The following ELSPBP1 variants were observed in gnomAD, a reference collection of about 807,000 sequenced individuals.
ELSPBP1 encodes the protein epididymal sperm-binding protein 1.
Under a neutral mutation model 33.3 loss-of-function variants are expected in ELSPBP1, and 38 were observed. That is an observed-to-expected ratio of 1.14 (90% CI 0.88 to 1.50). The LOEUF is 1.50. ELSPBP1 is among the 40% of genes most tolerant of loss of function. The pLI is 0.00. For synonymous variants in ELSPBP1, 85 were observed against 94.1 expected (o/e 0.90, Z 0.56); for missense variants, 267 against 263.5 (o/e 1.01, Z -0.09).
At chr19:48,020,821 G>A (rs1423729268) in intron 5 of ELSPBP1, among the ~76,000 whole-genome samples, 2 of 152,148 alleles carry the variant, frequency 1.3e-5, no homozygotes, top group Non-Finnish European at 2.9e-5. Context: ...AAGACCCAGT[G>A]GAAAGGAAAG....
intron 1 of ELSPBP1, among the ~76,000 whole-genome samples, chr19:48,001,423 C>G (rs1226437174): frequency 6.6e-6 from 1 of 151,816 alleles, no homozygotes; most frequent in Non-Finnish European, 1.5e-5. Context: ...CCTCATGATC[C>G]TTGTGATCCA....
At chr19:48,008,765 A>T (rs1967048796) in intron 2 of ELSPBP1, 28 bp downstream of exon 2, 7 of 1,592,782 alleles carry the variant, frequency 4.4e-6, no homozygotes, top group African/African-American at 2.7e-5. Flanking sequence ...AACAGGGAGG[A>T]TTTAGAAGCT....
In ELSPBP1 at chr19:48,008,678, G is replaced by A. The variant is rs1233604330; in HGVS notation, c.11G>A (p.Trp4Ter). ...AAGAGGGCAGCCAAGATGACCCGAT[G>A]GTCCAGTTACCTGTTGGGATGGACA... The part of the protein sequence containing the change: MTR[W>*]SSYLLGWTTF... The change falls in exon 2 of 7, where the codon TGG (tryptophan) becomes TAG (stop). Residue 4 changes from tryptophan (W) to a stop codon, truncating the protein, a stop_gained. Transcript: ENST00000339841. LOFTEE classifies it high-confidence loss of function. The A allele has an allele frequency of 2.5e-6, 4 of 1,613,724 alleles. No individual in the cohort carries two copies. Among genetic ancestry groups the A allele is most frequent in the African/African-American group, 1.3e-5 (1 of 74,962 alleles).
rs1399339043 is a variant in ELSPBP1, at chr19:48,006,643, A to AG, written c.-17-2008_-17-2007insG. On this transcript the variant is annotated intron_variant, in intron 1 of 6. Transcript: ENST00000339841. The stretch of plus-strand genomic sequence containing the variant: ...TCTCAAAAAAAAAAAAAAAAAAAAA[A>AG]AAAAGAAAAGAAAAAGAAAATTTAA... 5.2e-4 allele frequency among the ~76,000 whole-genome samples: 73 copies of AG among 139,532 alleles called. 4 individuals are homozygous for AG. Among genetic ancestry groups the AG allele is most frequent in the Middle Eastern group, 3.8e-3 (1 of 262 alleles). The allele number at this position is 139,532 out of a possible 152,430, so 91.5% of individuals were successfully genotyped here.
intron 4 of ELSPBP1, among the ~76,000 whole-genome samples, chr19:48,016,787 CG>C (rs1209789779): frequency 6.6e-6 from 1 of 151,438 alleles, no homozygotes; most frequent in East Asian, 1.9e-4. Context: ...TTAGCAGGCA[CG>C]GGGTTTCACC....
intron 1 of ELSPBP1, among the ~76,000 whole-genome samples, chr19:48,000,927 C>T (rs944320901): frequency 1.3e-5 from 2 of 152,220 alleles, no homozygotes; most frequent in Non-Finnish European, 2.9e-5. Flanking sequence ...CAAATCCCCA[C>T]ACACCTAACC....
At chr19:48,014,812 T>C (rs1600108732) in intron 3 of ELSPBP1, among the ~76,000 whole-genome samples, 1 of 151,556 alleles carries the variant, frequency 6.6e-6, no homozygotes. Flanking sequence ...TAATAATGGG[T>C]AATAATGTTA....
In ELSPBP1 at chr19:48,021,857, C is replaced by A. The variant is rs369724827; in HGVS notation, c.515-313C>A. Among the ~76,000 whole-genome samples, 32 of 152,268 alleles carry A rather than the reference C, an allele frequency of 2.1e-4. No homozygotes were observed. In the East Asian group the frequency reaches 2.3e-3, roughly 11 times the overall value. Reference sequence around the variant, plus strand: ...GACCTCCCAGGCTCCAGCAATCCTCCTGCCTCAACCTCCCGAGTAGCTGGG... The same window carrying A: ...GACCTCCCAGGCTCCAGCAATCCTCATGCCTCAACCTCCCGAGTAGCTGGG... On this transcript the variant is annotated intron_variant, in intron 5 of 6. Transcript: ENST00000339841.
At chr19:48,018,923 G>A (rs150031916) in intron 4 of ELSPBP1, among the ~76,000 whole-genome samples, 1 of 152,346 alleles carries the variant, frequency 6.6e-6, no homozygotes, top group Non-Finnish European at 1.5e-5. Context: ...GGAGGCCGAG[G>A]CAGGTGAATC....
intron 2 of ELSPBP1, among the ~76,000 whole-genome samples, chr19:48,009,726 G>A (rs997992085): frequency 3.3e-5 from 5 of 152,166 alleles, no homozygotes; most frequent in Non-Finnish European, 7.3e-5. Flanking sequence ...TATTTATGAG[G>A]GTAGTGAGAA....
At chr19:47,998,784 C>T (rs1966937745) in intron 1 of ELSPBP1, among the ~76,000 whole-genome samples, 1 of 86,218 alleles carries the variant, frequency 1.2e-5, no homozygotes, top group South Asian at 3.9e-4. Flanking sequence ...CAGACTCCGT[C>T]TCAAAAAAAA....
At chr19:47,998,221 G>A (rs1163593579) in intron 1 of ELSPBP1, among the ~76,000 whole-genome samples, 3 of 152,052 alleles carry the variant, frequency 2.0e-5, no homozygotes, top group Non-Finnish European at 4.4e-5. Flanking sequence ...AGATCAGCCT[G>A]GCCAAGATGG....
At chr19:48,002,097 C>A (rs959729647) in intron 1 of ELSPBP1, among the ~76,000 whole-genome samples, 1 of 152,094 alleles carries the variant, frequency 6.6e-6, no homozygotes. Context: ...ACCCACCAAG[C>A]GTCTATGAAC....
chr19:48,023,195 G>A (rs1270800146), intron 6 of ELSPBP1, among the ~76,000 whole-genome samples: 1 of 134,218 alleles, frequency 7.5e-6, no homozygotes, highest in East Asian at 2.3e-4. Flanking sequence ...AGAACGGAGG[G>A]GAAAGGAAGG....
intron 5 of ELSPBP1, among the ~76,000 whole-genome samples, chr19:48,020,850 A>G (rs1274793544): frequency 6.6e-6 from 1 of 152,222 alleles, no homozygotes; most frequent in Non-Finnish European, 1.5e-5. Flanking sequence ...TTGGGCAAAG[A>G]GGAACTAGAA....
chr19:48,013,716 C>CAAAA (rs35241354), intron 2 of ELSPBP1, among the ~76,000 whole-genome samples: 8 of 135,164 alleles, frequency 5.9e-5, no homozygotes, highest in African/African-American at 2.2e-4. Context: ...GACTTCATCT[C>CAAAA]AAAAAAAAAA....
At chr19:47,998,173 G>C (rs530705980) in intron 1 of ELSPBP1, among the ~76,000 whole-genome samples, 5 of 152,246 alleles carry the variant, frequency 3.3e-5, no homozygotes, top group East Asian at 1.9e-4. Flanking sequence ...CAGCACTTAG[G>C]GGGGCTGAGG....
intron 2 of ELSPBP1, among the ~76,000 whole-genome samples, chr19:48,013,531 A>G (rs1967098553): frequency 1.3e-5 from 2 of 152,120 alleles, no homozygotes; most frequent in African/African-American, 4.8e-5. Context: ...AGCCTGGCCA[A>G]CATGGCAAAA....
At chr19:47,998,773 C>A (rs1256525397) in intron 1 of ELSPBP1, among the ~76,000 whole-genome samples, 1 of 136,266 alleles carries the variant, frequency 7.3e-6, no homozygotes, top group Admixed American at 7.6e-5. Context: ...GGTGACAGAG[C>A]CAGACTCCGT....
Sources: gnomAD v4.1 joint callset for allele counts (sites outside exome capture counted in the v4.1 genomes callset) on GRCh38, gnomAD v4.1.1 for gene constraint, MANE v1.5 for transcripts, NCBI Gene and HGNC (gene_info 2026-07-23, HGNC 2026-07-21) for gene names.